Variants in CFAP61 observed in about 807,000 individuals in gnomAD.
The protein encoded by CFAP61 is cilia and flagella associated protein 61.
In CFAP61, 107 loss-of-function variants were observed where a neutral mutation model predicts 135.6. The ratio of observed to expected loss-of-function variants is 0.79; its 90% CI spans 0.67 to 0.93. The LOEUF is 0.93. Among genes scored for constraint, CFAP61 ranks in the 40% least tolerant of loss-of-function variants. CFAP61 has a pLI of 0.00. For missense variants in CFAP61, 1,507 were observed against 1,556.2 expected (o/e 0.97, Z 0.53); for synonymous variants, 575 against 578.5 (o/e 0.99, Z 0.09).
chr20:20,347,181 T>G (rs1225000613), intron 26 of CFAP61, among the ~76,000 whole-genome samples: 2 of 152,186 alleles, frequency 1.3e-5, no homozygotes, highest in African/African-American at 4.8e-5. Context: ...AAAAAAGGGA[T>G]ATTAGAAATG....
At chr20:20,087,974 A>G (rs939052085) in intron 6 of CFAP61, among the ~76,000 whole-genome samples, 1 of 152,106 alleles carries the variant, frequency 6.6e-6, no homozygotes, top group Non-Finnish European at 1.5e-5. Flanking sequence ...CAGTGATCAC[A>G]TGCAGAAATA....
chr20:20,269,660 C>G lies in CFAP61; in HGVS notation c.2503+6530C>G, dbSNP rs80127349. On this transcript the variant is annotated intron_variant, in intron 21 of 26. Coordinates refer to ENST00000245957, the MANE Select transcript of CFAP61 (RefSeq NM_015585.4). Reference sequence around the variant, plus strand: ...GTGCTGGGATTACAGGCATGAGCCACCACTCCTGGCCTGTTTTTTAATGAG... The same window carrying G: ...GTGCTGGGATTACAGGCATGAGCCAGCACTCCTGGCCTGTTTTTTAATGAG... Among the ~76,000 whole-genome samples the G allele has an allele frequency of 2.6e-5, 4 of 152,310 alleles. No homozygotes were observed. In the East Asian group the frequency reaches 7.7e-4, roughly 29 times the overall value.
rs189375447 is a variant in CFAP61 at position 20,238,750 on chromosome 20, G to T, written c.2061-7367G>T. ...GATAAGGATGTTTAGACCTAATTTT[G>T]TAGCTGTCCTCCTGAAGCATGGAAT... is the stretch of plus-strand genomic sequence containing the variant. On this transcript the variant is annotated intron_variant, in intron 18 of 26. Coordinates refer to ENST00000245957, the MANE Select transcript of CFAP61 (RefSeq NM_015585.4). 2.3e-3 allele frequency among the ~76,000 whole-genome samples: 345 copies of T among 152,244 alleles called. 2 individuals carry two copies. The highest frequency in any genetic ancestry group is 8.1e-3 in the African/African-American group (337 of 41,546).
At chr20:20,144,220 A>G (rs927172064) in intron 9 of CFAP61, among the ~76,000 whole-genome samples, 2 of 152,248 alleles carry the variant, frequency 1.3e-5, no homozygotes, top group Non-Finnish European at 2.9e-5. Context: ...ACCAGCACTC[A>G]CAAAACTGGT....
chr20:20,291,843 C>CT (rs1229817737), intron 24 of CFAP61, among the ~76,000 whole-genome samples: 1 of 152,226 alleles, frequency 6.6e-6, no homozygotes, highest in Non-Finnish European at 1.5e-5. Flanking sequence ...TGGGGGCTTC[C>CT]TTTTGGATAT....
intron 17 of CFAP61, among the ~76,000 whole-genome samples, chr20:20,201,597 A>C (rs1797355234): frequency 6.6e-6 from 1 of 152,128 alleles, no homozygotes; most frequent in African/African-American, 2.4e-5. Context: ...GAGAGCCAAC[A>C]CCCAGAAGTT....
intron 25 of CFAP61, among the ~76,000 whole-genome samples, chr20:20,326,322 A>C (rs532758507): frequency 6.3e-4 from 96 of 152,226 alleles, no homozygotes; most frequent in African/African-American, 2.2e-3. Flanking sequence ...TTTTTTATAA[A>C]GGTTGGAATT....
intron 8 of CFAP61, among the ~76,000 whole-genome samples, chr20:20,120,024 T>C (rs1716661195): frequency 6.6e-6 from 1 of 152,214 alleles, no homozygotes; most frequent in Non-Finnish European, 1.5e-5. Context: ...TTGATGGGCA[T>C]TTAGGTTGAG....
intron 3 of CFAP61, among the ~76,000 whole-genome samples, chr20:20,072,553 A>G (rs55682416): frequency 0.015 from 2,294 of 152,240 alleles, 76 homozygotes; most frequent in African/African-American, 0.053. Context: ...CCTCTGATAG[A>G]TGTTTATTTT....
intron 2 of CFAP61, among the ~76,000 whole-genome samples, chr20:20,069,099 A>G (rs1179233610): frequency 1.3e-5 from 2 of 152,158 alleles, no homozygotes; most frequent in African/African-American, 4.8e-5. Context: ...AGTGATGTAT[A>G]TTTCCTATTA....
intron 10 of CFAP61, 130 bp downstream of exon 10, chr20:20,159,574 A>G: frequency 1.4e-6 from 1 of 726,650 alleles, no homozygotes; most frequent in Non-Finnish European, 2.4e-6. Context: ...CACACCTACC[A>G]CCTCCTTTAG....
At position 20,166,400 on chromosome 20, in the gene CFAP61, G is replaced by C; in HGVS notation, c.1209G>C (p.Ser403=). 1.9e-6 allele frequency: 3 copies of C among 1,613,518 alleles called. No individual in the cohort carries two copies. The highest frequency in any genetic ancestry group is 2.5e-6 in the Non-Finnish European group (3 of 1,179,572). The change falls in exon 12 of 27, where the codon TCG becomes TCC. Residue 403 remains serine, a synonymous_variant. Transcript: ENST00000245957. ...GTGCTTACTGTCTTGTTTACAGGTC[G>C]CTGGATTTTATGAATTTTGTTTTCA... ...FCIDEKYEAR[S]LDFMNFVFSL... is the part of the protein sequence containing the mutation.
chr20:20,273,593 CAT>C (rs2053529376), intron 21 of CFAP61, among the ~76,000 whole-genome samples: 1 of 152,188 alleles, frequency 6.6e-6, no homozygotes, highest in Admixed American at 6.5e-5. Context: ...AAATATCTGA[CAT>C]ATATCCATGT....
chr20:20,290,094 G>T (rs2054890864), intron 23 of CFAP61, among the ~76,000 whole-genome samples: 1 of 152,128 alleles, frequency 6.6e-6, no homozygotes, highest in Non-Finnish European at 1.5e-5. Flanking sequence ...GCTACATTAT[G>T]GGATATCATA....
At chr20:20,064,032 A>ACCCCCCCCCCCCCCC (rs373522191) in intron 2 of CFAP61, among the ~76,000 whole-genome samples, 4 of 113,216 alleles carry the variant, frequency 3.5e-5, no homozygotes, top group Non-Finnish European at 7.8e-5. Flanking sequence ...AAATAGAGTA[A>ACCCCCCCCCCCCCCC]CCGCCCCCCA....
intron 21 of CFAP61, chr20:20,265,297 G>A (rs561445877): frequency 2.8e-5 from 21 of 743,936 alleles, no homozygotes; most frequent in African/African-American, 1.2e-4. Context: ...AAGAGCCTTC[G>A]AAAGTGGCAC....
chr20:20,294,051 A>ATCAGAATCAGTGACTCCG (rs1300419351), intron 24 of CFAP61, among the ~76,000 whole-genome samples: 1 of 152,248 alleles, frequency 6.6e-6, no homozygotes, highest in East Asian at 1.9e-4. Flanking sequence ...CAGTGACTCC[A>ATCAGAATCAGTGACTCCG]TCAAAATCTT....
intron 25 of CFAP61, among the ~76,000 whole-genome samples, chr20:20,306,974 C>T (rs867846636): frequency 8.5e-5 from 13 of 152,102 alleles, no homozygotes; most frequent in African/African-American, 2.2e-4. Context: ...TGCAATATTA[C>T]GAATAAAAAC....
chr20:20,263,426 G>A (rs539998407), intron 21 of CFAP61, among the ~76,000 whole-genome samples: 1 of 152,252 alleles, frequency 6.6e-6, no homozygotes, highest in Non-Finnish European at 1.5e-5. Flanking sequence ...ACTAGTTAAA[G>A]AATAATTTAA....
Sources: allele counts gnomAD v4.1 joint callset (sites outside exome capture counted in the v4.1 genomes callset), GRCh38; gene constraint gnomAD v4.1.1; transcripts MANE v1.5; gene names NCBI Gene and HGNC (gene_info 2026-07-23, HGNC 2026-07-21).